EHD4: variants seen among roughly 807,000 people sequenced by gnomAD.
EHD4 encodes EH domain containing 4, also known as EH domain-containing protein 4.
EHD4 carries 37 observed loss-of-function variants against 51.0 expected under a neutral mutation model. The ratio of observed to expected loss-of-function variants is 0.73; its 90% CI spans 0.56 to 0.95. The LOEUF (loss-of-function observed/expected upper bound fraction) is 0.95. Ranked by LOEUF, EHD4 falls within the 40% of genes least tolerant of loss-of-function variation. EHD4 has a pLI of 0.00. For missense variants in EHD4, 632 were observed against 733.1 expected, an observed-to-expected ratio of 0.86 and a Z score of 1.59; for synonymous variants, 297 against 317.3, an observed-to-expected ratio of 0.94 and a Z score of 0.68.
chr15:41,919,099 T>C (rs1445866114), intron 4 of EHD4, 111 bp downstream of exon 4: 12 of 1,418,144 alleles, frequency 8.5e-6, no homozygotes, highest in Non-Finnish European at 2.9e-6. Context: ...CTAGCGCATG[T>C]TCATTCCTTA....
chr15:41,924,017 T>C (rs956757218), intron 3 of EHD4, among the ~76,000 whole-genome samples: 1 of 151,844 alleles, frequency 6.6e-6, no homozygotes, highest in Non-Finnish European at 1.5e-5. Flanking sequence ...TAAGCTCCAG[T>C]TTTTTTCACC....
chr15:41,965,833 T>C (rs2067958214), intron 1 of EHD4, among the ~76,000 whole-genome samples: 1 of 152,128 alleles, frequency 6.6e-6, no homozygotes, highest in South Asian at 2.1e-4. Context: ...AATACTCTGT[T>C]GCTGCTTGTC....
At chr15:41,940,754 A>G (rs965549350) in intron 3 of EHD4, among the ~76,000 whole-genome samples, 6 of 152,228 alleles carry the variant, frequency 3.9e-5, no homozygotes, top group Non-Finnish European at 7.3e-5. Flanking sequence ...ACTGATCTTC[A>G]AAGCATTCTG....
intron 1 of EHD4, among the ~76,000 whole-genome samples, chr15:41,959,956 C>T (rs1306550258): frequency 1.4e-5 from 2 of 143,752 alleles, no homozygotes; most frequent in African/African-American, 2.6e-5. Flanking sequence ...GGTGAGACTC[C>T]ACCTCAAAAA....
At chr15:41,960,635 TA>T (rs2141008210) in intron 1 of EHD4, among the ~76,000 whole-genome samples, 1 of 152,212 alleles carries the variant, frequency 6.6e-6, no homozygotes, top group African/African-American at 2.4e-5. Context: ...TCCTTTGAAT[TA>T]CTGAAAAACT....
chr15:41,970,731 G>C (rs2067989840), intron 1 of EHD4, among the ~76,000 whole-genome samples: 1 of 152,190 alleles, frequency 6.6e-6, no homozygotes, highest in South Asian at 2.1e-4. Flanking sequence ...AGGAGGAAAT[G>C]CCTAGGGTGT....
chr15:41,953,518 C>G (rs2067866619), intron 2 of EHD4, among the ~76,000 whole-genome samples: 1 of 152,188 alleles, frequency 6.6e-6, no homozygotes, highest in East Asian at 1.9e-4. Flanking sequence ...ACACCTGGCC[C>G]TGTGCAGCCT....
intron 1 of EHD4, among the ~76,000 whole-genome samples, chr15:41,970,116 A>G (rs2067986486): frequency 6.6e-6 from 1 of 152,166 alleles, no homozygotes; most frequent in African/African-American, 2.4e-5. Flanking sequence ...CCAAGTTCAC[A>G]AGTCTCCAGG....
At chr15:41,963,741 A>C (rs1459203188) in intron 1 of EHD4, among the ~76,000 whole-genome samples, 1 of 152,216 alleles carries the variant, frequency 6.6e-6, no homozygotes, top group Non-Finnish European at 1.5e-5. Flanking sequence ...ATCTGCATGG[A>C]AAAACTATTA....
At position 41,919,602 on chromosome 15, in the gene EHD4, G is replaced by A; in HGVS notation, c.532C>T (p.Leu178=). ...TCCACCCTCTCGGCAAACCACTGCAGGACCTGGCAGAAGTCATAGCCTGGG... is the reference window on the plus strand; with the variant it reads ...TCCACCCTCTCGGCAAACCACTGCAAGACCTGGCAGAAGTCATAGCCTGGG... ...ISRGYDFCQV[L]QWFAERVDRI... Residue 178 remains leucine, a synonymous_variant, in exon 4 of 6, where the codon CTG becomes TTG. Coordinates refer to ENST00000220325, the MANE Select transcript of EHD4 (RefSeq NM_139265.4). 6.6e-7 allele frequency: 1 copy of A among 1,514,816 alleles called. No homozygotes were observed. 93.8% of individuals were successfully genotyped at this position (1,514,816 alleles called of 1,614,324 possible). A position where few individuals can be genotyped will look rare whatever the true frequency, so the allele number is the denominator to read the frequency against.
intron 1 of EHD4, among the ~76,000 whole-genome samples, chr15:41,966,219 C>G (rs72726032): frequency 1.3e-5 from 2 of 151,902 alleles, no homozygotes; most frequent in Non-Finnish European, 2.9e-5. Context: ...TTCCTCAACC[C>G]GCGCCATCTG....
chr15:41,903,901 G>A (rs1355692932), intron 5 of EHD4, among the ~76,000 whole-genome samples: 2 of 152,128 alleles, frequency 1.3e-5, no homozygotes, highest in African/African-American at 2.4e-5. Context: ...ACTGCAGGCC[G>A]GGTCTCTCAA....
intron 3 of EHD4, among the ~76,000 whole-genome samples, chr15:41,937,256 A>G (rs1209994514): frequency 6.6e-6 from 1 of 152,124 alleles, no homozygotes; most frequent in Non-Finnish European, 1.5e-5. Context: ...CCACATGCAC[A>G]GCTTCCGTTC....
At chr15:41,923,465 G>A (rs1326736410) in intron 3 of EHD4, among the ~76,000 whole-genome samples, 1 of 152,184 alleles carries the variant, frequency 6.6e-6, no homozygotes, top group Non-Finnish European at 1.5e-5. Context: ...GATTCAGAAG[G>A]ACCTAGAGAC....
At chr15:41,911,756 C>A (rs998615209) in intron 4 of EHD4, among the ~76,000 whole-genome samples, 4 of 152,176 alleles carry the variant, frequency 2.6e-5, no homozygotes, top group African/African-American at 9.7e-5. Flanking sequence ...ACAAGGGCTT[C>A]TTATTGAGAC....
At position 41,953,911 on chromosome 15, in the gene EHD4, A is replaced by G; in HGVS notation, c.266T>C (p.Met89Thr). ...TGTGGTGGGCTCCGGACCAATCCTC[A>G]TGCCTGGGAAATCCTGCTCCAGTAG... ...RYLLEQDFPG[M>T]RIGPEPTTDS... Residue 89 changes from methionine (M) to threonine (T), a missense_variant, in exon 2 of 6, where the codon ATG becomes ACG. Coordinates refer to ENST00000220325, the MANE Select transcript of EHD4 (RefSeq NM_139265.4). 1 of 1,612,810 alleles carries G rather than the reference A, an allele frequency of 6.2e-7. No individual in the cohort carries two copies. The highest frequency in any genetic ancestry group is 8.5e-7 in the Non-Finnish European group (1 of 1,179,648).
intron 4 of EHD4, among the ~76,000 whole-genome samples, chr15:41,917,778 G>A (rs2067594800): frequency 6.6e-6 from 1 of 152,234 alleles, no homozygotes; most frequent in Admixed American, 6.5e-5. Flanking sequence ...TAGCACATCT[G>A]CCTTGCAGAA....
At chr15:41,941,632 G>A (rs1006172772) in intron 3 of EHD4, 4 of 151,296 alleles carry the variant, frequency 2.6e-5, no homozygotes, top group Non-Finnish European at 5.9e-5. Flanking sequence ...GGAGGCCCGG[G>A]AAAGGTGACC....
chr15:41,972,175 G>T, intron 1 of EHD4, 84 bp downstream of exon 1: 4 of 1,243,694 alleles, frequency 3.2e-6, no homozygotes, highest in South Asian at 3.4e-5. Flanking sequence ...GCCGGGAGGG[G>T]CAGCGGCGGG....
Sources: gnomAD v4.1 joint callset for allele counts (sites outside exome capture counted in the v4.1 genomes callset) on GRCh38, gnomAD v4.1.1 for gene constraint, MANE v1.5 for transcripts, NCBI Gene and HGNC (gene_info 2026-07-23, HGNC 2026-07-21) for gene names.